FGGY: variants seen among roughly 807,000 people sequenced by gnomAD.
FGGY encodes the protein FGGY carbohydrate kinase domain containing.
In FGGY, 72 loss-of-function variants were observed where a neutral mutation model predicts 71.3. The observed-to-expected ratio is 1.01, with a 90% CI of 0.84 to 1.23. The LOEUF is 1.23. Ranked by LOEUF, FGGY falls within the 50% of genes most tolerant of loss-of-function variation. The pLI, the probability that FGGY is intolerant of heterozygous loss-of-function variation, is 0.00. For synonymous variants in FGGY, 251 were observed against 250.3 expected (o/e 1.00, Z -0.02); for missense variants, 668 against 682.3 (o/e 0.98, Z 0.23).
chr1:59,463,522 A>G (rs750643364), intron 6 of FGGY, among the ~76,000 whole-genome samples: 1 of 152,196 alleles, frequency 6.6e-6, no homozygotes, highest in Non-Finnish European at 1.5e-5. Context: ...TATTAACCTT[A>G]AATTTAAATG....
chr1:59,489,006 T>C (rs1371426865), intron 6 of FGGY, among the ~76,000 whole-genome samples: 1 of 152,122 alleles, frequency 6.6e-6, no homozygotes, highest in African/African-American at 2.4e-5. Flanking sequence ...GCTTTTTCCT[T>C]ATATGTTATT....
At chr1:59,414,558 A>G (rs895669938) in intron 5 of FGGY, among the ~76,000 whole-genome samples, 2 of 152,146 alleles carry the variant, frequency 1.3e-5, no homozygotes, top group Admixed American at 6.5e-5. Context: ...TCAGTGTATC[A>G]GCCATGGATC....
intron 7 of FGGY, among the ~76,000 whole-genome samples, chr1:59,520,651 T>G (rs992732308): frequency 6.6e-6 from 1 of 152,216 alleles, no homozygotes; most frequent in African/African-American, 2.4e-5. Flanking sequence ...TTAATTACTA[T>G]TATTAGTAAT....
intron 11 of FGGY, among the ~76,000 whole-genome samples, chr1:59,659,347 T>C (rs887966707): frequency 6.6e-6 from 1 of 152,118 alleles, no homozygotes. Context: ...GGGACCTAGG[T>C]AGACCACTCA....
chr1:59,533,221 T>A (rs1173751059), intron 7 of FGGY, among the ~76,000 whole-genome samples: 3 of 149,818 alleles, frequency 2.0e-5, no homozygotes. Flanking sequence ...GGGAGTTCCC[T>A]TTCCTAGTCA....
chr1:59,695,672 C>T (rs939650696), intron 14 of FGGY, among the ~76,000 whole-genome samples: 1 of 152,162 alleles, frequency 6.6e-6, no homozygotes, highest in Non-Finnish European at 1.5e-5. Flanking sequence ...GTAGTTAGTA[C>T]AAAACCAGGA....
intron 12 of FGGY, among the ~76,000 whole-genome samples, chr1:59,665,478 T>C (rs144253011): frequency 1.3e-3 from 191 of 152,200 alleles, no homozygotes; most frequent in African/African-American, 4.4e-3. Flanking sequence ...TCCCTCATGA[T>C]TTATGCCAAA....
intron 7 of FGGY, chr1:59,553,846 C>T (rs761123912): frequency 3.4e-6 from 1 of 292,816 alleles, no homozygotes; most frequent in Non-Finnish European, 6.3e-6. Flanking sequence ...TAACTGATAG[C>T]TGCTGCTTTT....
intron 6 of FGGY, among the ~76,000 whole-genome samples, chr1:59,467,972 C>T (rs1419444702): frequency 1.3e-5 from 2 of 151,676 alleles, no homozygotes; most frequent in East Asian, 1.9e-4. Flanking sequence ...GGCATAGTCT[C>T]GGCTCACTGC....
At chr1:59,616,169 A>G (rs1435814922) in intron 9 of FGGY, among the ~76,000 whole-genome samples, 1 of 152,206 alleles carries the variant, frequency 6.6e-6, no homozygotes, top group Non-Finnish European at 1.5e-5. Flanking sequence ...TCATGCTGCT[A>G]TTAGACACAT....
intron 8 of FGGY, among the ~76,000 whole-genome samples, chr1:59,587,464 G>A (rs1443341059): frequency 1.3e-5 from 2 of 152,096 alleles, no homozygotes; most frequent in African/African-American, 2.4e-5. Context: ...GCACGCAACT[G>A]GAGATCTGAG....
chr1:59,575,016 T>A (rs1332453797), intron 8 of FGGY, among the ~76,000 whole-genome samples: 1 of 152,172 alleles, frequency 6.6e-6, no homozygotes, highest in Non-Finnish European at 1.5e-5. Context: ...ATTGTATATA[T>A]TTATGGGGTT....
intron 3 of FGGY, 49 bp downstream of exon 3, chr1:59,340,118 T>A: frequency 7.5e-7 from 1 of 1,335,208 alleles, no homozygotes; most frequent in Non-Finnish European, 1.1e-6. Context: ...CTTGGCTGAT[T>A]AATCCAATGG....
Position 59,339,496 on chromosome 1 carries a change from C to T in FGGY, c.202-462C>T, listed in dbSNP as rs144211119. On this transcript the variant is annotated intron_variant, in intron 2 of 15. Transcript: ENST00000303721. ...TATTTTTTTTTGAGATGGAGTTTCG[C>T]TCTTGTTGCCCAGGCTGGAGTACAA... Among the ~76,000 whole-genome samples, 436 of 151,734 alleles carry T rather than the reference C, an allele frequency of 2.9e-3. 2 individuals are homozygous for T. The highest frequency in any genetic ancestry group is 0.01 in the African/African-American group (416 of 41,372).
At chr1:59,475,554 A>G (rs2093223964) in intron 6 of FGGY, among the ~76,000 whole-genome samples, 1 of 152,180 alleles carries the variant, frequency 6.6e-6, no homozygotes, top group Admixed American at 6.5e-5. Flanking sequence ...AGGATTGATG[A>G]GCTTTGGTCT....
At chr1:59,337,045 A>T (rs2049706710) in intron 2 of FGGY, among the ~76,000 whole-genome samples, 1 of 126,188 alleles carries the variant, frequency 7.9e-6, no homozygotes, top group Admixed American at 7.9e-5. Context: ...ATATGTATAT[A>T]GTCATATATA....
intron 6 of FGGY, among the ~76,000 whole-genome samples, chr1:59,464,354 A>T (rs967737893): frequency 1.3e-5 from 2 of 152,210 alleles, no homozygotes; most frequent in African/African-American, 2.4e-5. Flanking sequence ...TCTCTGGGAC[A>T]CGTTTAAAGC....
chr1:59,440,442 C>T (rs1319962455), intron 5 of FGGY, among the ~76,000 whole-genome samples: 1 of 151,938 alleles, frequency 6.6e-6, no homozygotes, highest in African/African-American at 2.4e-5. Flanking sequence ...AATATGAACT[C>T]ATTTAAAAAC....
chr1:59,434,670 T>C (rs893234354), intron 5 of FGGY, among the ~76,000 whole-genome samples: 3 of 152,220 alleles, frequency 2.0e-5, no homozygotes, highest in Non-Finnish European at 4.4e-5. Context: ...ACTCACTTCC[T>C]GGTTCATAGG....
Sources: allele counts gnomAD v4.1 joint callset (sites outside exome capture counted in the v4.1 genomes callset), GRCh38; gene constraint gnomAD v4.1.1; transcripts MANE v1.5; gene names NCBI Gene and HGNC (gene_info 2026-07-23, HGNC 2026-07-21).